TPM1: variants seen among roughly 807,000 people sequenced by gnomAD.
The protein encoded by TPM1 is tropomyosin 1, also known as tropomyosin alpha-1 chain.
In TPM1, 24 loss-of-function variants were observed where a neutral mutation model predicts 42.9. The observed-to-expected ratio is 0.56, with a 90% CI of 0.41 to 0.79. The LOEUF is 0.79. TPM1 is among the 30% of genes least tolerant of loss of function. The probability of loss-of-function intolerance (pLI) is 0.00; values close to 1 mark genes in which losing one functional copy is unlikely to be tolerated. For synonymous variants in TPM1, 136 were observed against 130.1 expected (o/e 1.05, Z -0.31); for missense variants, 158 against 351.8 (o/e 0.45, Z 4.41).
downstream of TPM1, among the ~76,000 whole-genome samples, chr15:63,069,093 C>T (rs1167000951): frequency 2.0e-5 from 3 of 152,158 alleles, no homozygotes; most frequent in African/African-American, 7.2e-5. Flanking sequence ...GTGGAGCTTG[C>T]AGTGAGCTGA....
At chr15:63,061,548 T>G in intron 5 of TPM1, 165 bp from the exon 6 acceptor site, 1 of 777,004 alleles carries the variant, frequency 1.3e-6, no homozygotes, top group South Asian at 1.5e-5. Flanking sequence ...TGGGGGGCAG[T>G]GTTCCTGGAA....
chr15:63,071,021 TA>T, downstream of TPM1: 5 of 1,608,164 alleles, frequency 3.1e-6, no homozygotes, highest in Non-Finnish European at 4.2e-6. Context: ...TTTGCCTGCC[TA>T]AATGTACAAA....
intron 8 of TPM1, 80 bp from the exon 9 acceptor site, chr15:63,063,984 G>A (rs552314060): frequency 5.1e-5 from 81 of 1,581,404 alleles, no homozygotes; most frequent in African/African-American, 4.4e-4. Context: ...GGGATGGTGC[G>A]CGCACCACCC....
At chr15:63,070,238 C>T (rs1228934502), downstream of TPM1, 1 of 1,176,694 alleles carries the variant, frequency 8.5e-7, no homozygotes, top group Non-Finnish European at 1.1e-6. Flanking sequence ...TGAGGAGCCC[C>T]CCCAAAAAAT....
At chr15:63,061,677 T>G (rs1236284289) in intron 5 of TPM1, 36 bp from the exon 6 acceptor site, 2 of 1,600,978 alleles carry the variant, frequency 1.2e-6, no homozygotes, top group Non-Finnish European at 1.7e-6. Context: ...CTTTGGCTTG[T>G]CTCCCACCCT....
intron 8 of TPM1, 149 bp from the exon 9 acceptor site, chr15:63,063,915 T>C: frequency 8.8e-7 from 1 of 1,135,164 alleles, no homozygotes; most frequent in Non-Finnish European, 1.2e-6. Flanking sequence ...GCCTCCTGCA[T>C]TGGCCACCTG....
At chr15:63,047,570 C>G (rs190489284) in intron 2 of TPM1, 4 of 152,320 alleles carry the variant, frequency 2.6e-5, no homozygotes, top group South Asian at 2.1e-4. Flanking sequence ...CAGGAGATCT[C>G]AGAGGCTGGT....
At chr15:63,061,290 T>C (rs2035585811) in intron 5 of TPM1, 5 of 1,614,048 alleles carry the variant, frequency 3.1e-6, no homozygotes, top group Non-Finnish European at 4.2e-6. Flanking sequence ...ATGGCTCGTG[T>C]GGTTTTTAGG....
intron 1 of TPM1, 46 bp from the exon 2 acceptor site, chr15:63,043,981 C>G (rs899451265): frequency 9.4e-6 from 15 of 1,599,616 alleles, no homozygotes; most frequent in Admixed American, 1.7e-5. Flanking sequence ...GATCACGCTG[C>G]CTGCTGCACC....
chr15:63,069,902 C>T (rs760706706), downstream of TPM1: 14 of 1,613,976 alleles, frequency 8.7e-6, no homozygotes, highest in South Asian at 4.4e-5. Flanking sequence ...GCAAAATCGC[C>T]GCCTCACTAA....
Position 63,050,795 on chromosome 15 carries a change from T to G in TPM1, c.241-6190T>G, listed in dbSNP as rs2033701037. ...AATTGGAACTTAAATGTAGCTGACT[T>G]AGGTATTTAGATGTAGCTTGGGCTG... On this transcript the variant is annotated intron_variant, in intron 2 of 9. Coordinates refer to ENST00000403994, the MANE Select transcript of TPM1 (RefSeq NM_001018005.2). Among the ~76,000 whole-genome samples the G allele has an allele frequency of 2.6e-5, 4 of 152,214 alleles. No individual in the cohort carries two copies. In the South Asian group the frequency reaches 6.2e-4, roughly 24 times the overall value.
downstream of TPM1, among the ~76,000 whole-genome samples, chr15:63,067,573 A>ACTTT: frequency 6.6e-6 from 1 of 152,166 alleles, no homozygotes; most frequent in Admixed American, 6.5e-5. Context: ...CCTTCCAGAG[A>ACTTT]CTTTCGCACT....
intron 2 of TPM1, chr15:63,049,082 G>C: frequency 3.8e-6 from 1 of 265,288 alleles, no homozygotes; most frequent in South Asian, 3.2e-5. Flanking sequence ...AGTGGAGAGG[G>C]AGGAGGTCCT....
At chr15:63,064,384 G>A in intron 9 of TPM1, 3 of 1,378,364 alleles carry the variant, frequency 2.2e-6, no homozygotes, top group Non-Finnish European at 1.9e-6. Context: ...CGCTGAACTA[G>A]AGCAGTGAAC....
intron 9 of TPM1, chr15:63,065,637 G>A: frequency 2.0e-6 from 2 of 985,116 alleles, no homozygotes; most frequent in Non-Finnish European, 2.4e-6. Context: ...TGAAAGACGA[G>A]TGTAGCTTAA....
chr15:63,064,024 C>G, intron 8 of TPM1, 40 bp from the exon 9 acceptor site: 1 of 1,611,964 alleles, frequency 6.2e-7, no homozygotes, highest in Non-Finnish European at 8.5e-7. Flanking sequence ...TGATCACTCT[C>G]CATGTTCTTG....
rs1060501866 is a variant in TPM1 at position 63,044,060 on chromosome 15, C to T, written c.148C>T (p.Leu50Phe). ...EDELVSLQKK[L>F]KGTEDELDKY... ...TGAGCTGGTGTCACTGCAAAAGAAA[C>T]TCAAGGGCACCGAAGATGAACTGGA... Residue 50 changes from leucine (L) to phenylalanine (F), a missense_variant, in exon 2 of 10, where the codon CTC becomes TTC. By Grantham distance (22) the Leu-to-Phe change is conservative (BLOSUM62 0). This residue lies in a region of TPM1 where 65 missense variants were observed against 208.8 expected (regional missense o/e 0.31). Coordinates refer to ENST00000403994, the MANE Select transcript of TPM1 (RefSeq NM_001018005.2). 6.2e-7 allele frequency: 1 copy of T among 1,614,122 alleles called. No individual in the cohort carries two copies. The highest frequency in any genetic ancestry group is 8.5e-7 in the Non-Finnish European group (1 of 1,180,016).
chr15:63,043,705 G>A, intron 1 of TPM1: 2 of 1,545,872 alleles, frequency 1.3e-6, no homozygotes, highest in Non-Finnish European at 1.7e-6. Flanking sequence ...GCTGCCCCCA[G>A]CTCGAGGAGG....
At chr15:63,062,957 A>G (rs2035850866) in intron 8 of TPM1, 9 of 1,416,998 alleles carry the variant, frequency 6.4e-6, no homozygotes, top group Middle Eastern at 2.1e-4. Flanking sequence ...ACTCTAGTAT[A>G]TTTTATATCT....
Sources: allele counts gnomAD v4.1 joint callset (sites outside exome capture counted in the v4.1 genomes callset), GRCh38; gene constraint gnomAD v4.1.1; regional missense constraint gnomAD v4.1.1; transcripts MANE v1.5; gene names NCBI Gene and HGNC (gene_info 2026-07-23, HGNC 2026-07-21).